Variants in TMEM272 observed in about 807,000 individuals in gnomAD.
TMEM272 encodes transmembrane protein 272, also known as long intergenic non-protein coding RNA 282.
In TMEM272, 8 loss-of-function variants were observed where a neutral mutation model predicts 3.7. That is an observed-to-expected ratio of 2.17 (90% CI 1.27 to 3.91). The LOEUF is 3.91. TMEM272 is among the 30% of genes most tolerant of loss of function. TMEM272 has a pLI of 0.00. For missense variants in TMEM272, 166 were observed against 91.5 expected, an observed-to-expected ratio of 1.81 and a Z score of -3.32; for synonymous variants, 63 against 39.8, an observed-to-expected ratio of 1.58 and a Z score of -2.20.
chr13:51,930,211 C>A, the TMEM272 span, among the ~76,000 whole-genome samples: 1 of 151,692 alleles, frequency 6.6e-6, no homozygotes, highest in Non-Finnish European at 1.5e-5. Context: ...CAGTTAATAG[C>A]CGTCTCCATT....
the TMEM272 span, among the ~76,000 whole-genome samples, chr13:51,914,190 T>C: frequency 3.5e-3 from 538 of 152,320 alleles, 5 homozygotes; most frequent in Non-Finnish European, 3.7e-3. Flanking sequence ...GGAACAACAA[T>C]CACCAGTTCC....
At chr13:51,886,114 C>T in the TMEM272 span, among the ~76,000 whole-genome samples, 8,369 of 152,178 alleles carry the variant, frequency 0.055, 282 homozygotes, top group Middle Eastern at 0.11. Context: ...TATTTGTGTA[C>T]GAATTTTACC....
At chr13:51,917,399 G>C in the TMEM272 span, among the ~76,000 whole-genome samples, 161 of 152,258 alleles carry the variant, frequency 1.1e-3, 1 homozygote, top group African/African-American at 3.6e-3. Flanking sequence ...GCAGAAGCAG[G>C]AATTCCAGAG....
chr13:51,930,148 T>A, the TMEM272 span, among the ~76,000 whole-genome samples: 1 of 151,538 alleles, frequency 6.6e-6, no homozygotes, highest in South Asian at 2.1e-4. Context: ...ACTTTCTATA[T>A]TTCTATATGC....
At chr13:51,843,647 G>A (rs968580311) in intron 1 of TMEM272, among the ~76,000 whole-genome samples, 1 of 152,152 alleles carries the variant, frequency 6.6e-6, no homozygotes, top group Non-Finnish European at 1.5e-5. Context: ...TCTGAAACAG[G>A]AAGAGATTGG....
chr13:51,819,435 C>G (rs1956060584), intron 4 of TMEM272, among the ~76,000 whole-genome samples: 1 of 152,144 alleles, frequency 6.6e-6, no homozygotes, highest in Non-Finnish European at 1.5e-5. Context: ...CCCCCACCCA[C>G]CACGTGTCCC....
the TMEM272 span, among the ~76,000 whole-genome samples, chr13:51,902,028 A>C: frequency 6.6e-6 from 1 of 152,182 alleles, no homozygotes; most frequent in Non-Finnish European, 1.5e-5. Flanking sequence ...GCTCCATGGA[A>C]AGGTCATGTA....
the TMEM272 span, chr13:51,908,598 G>C: frequency 6.6e-7 from 1 of 1,508,808 alleles, no homozygotes; most frequent in Non-Finnish European, 9.2e-7. Context: ...AGGGAGAGAT[G>C]AATCAGCCAC....
At chr13:51,834,867 A>G (rs971005448) in intron 2 of TMEM272, among the ~76,000 whole-genome samples, 4 of 152,234 alleles carry the variant, frequency 2.6e-5, no homozygotes, top group Non-Finnish European at 4.4e-5. Context: ...TGTATTCATC[A>G]AGATTTCACT....
chr13:51,925,687 ACT>A, the TMEM272 span, among the ~76,000 whole-genome samples: 1 of 152,006 alleles, frequency 6.6e-6, no homozygotes, highest in Non-Finnish European at 1.5e-5. Context: ...AAGGAGAGAC[ACT>A]CTGCCCATTC....
the TMEM272 span, among the ~76,000 whole-genome samples, chr13:51,902,254 C>T: frequency 6.6e-6 from 1 of 152,212 alleles, no homozygotes; most frequent in African/African-American, 2.4e-5. Context: ...TGCCTTGTTA[C>T]ATTTTCAGTG....
intron 3 of TMEM272, among the ~76,000 whole-genome samples, chr13:51,825,280 T>G (rs1442733432): frequency 6.6e-6 from 1 of 152,246 alleles, no homozygotes; most frequent in East Asian, 1.9e-4. Context: ...GTCAGGCTGT[T>G]AGCTTTCATG....
At chr13:51,849,499 A>G (rs1474537420), upstream of TMEM272, among the ~76,000 whole-genome samples, 2 of 152,240 alleles carry the variant, frequency 1.3e-5, no homozygotes, top group Non-Finnish European at 2.9e-5. Flanking sequence ...GTATTTTAGC[A>G]CAGTTTAATA....
chr13:51,875,176 G>A, the TMEM272 span, among the ~76,000 whole-genome samples: 147,614 of 152,324 alleles, frequency 0.97, 71,534 homozygotes, highest in East Asian at 1. Flanking sequence ...TTATATCTCA[G>A]TTAATCCTCA....
At chr13:51,836,807 G>A (rs1956220271) in intron 2 of TMEM272, among the ~76,000 whole-genome samples, 1 of 149,880 alleles carries the variant, frequency 6.7e-6, no homozygotes, top group South Asian at 2.1e-4. Flanking sequence ...GGAAGGCCCA[G>A]GGGGAAAACA....
At chr13:51,892,737 G>A in the TMEM272 span, among the ~76,000 whole-genome samples, 1 of 152,084 alleles carries the variant, frequency 6.6e-6, no homozygotes, top group African/African-American at 2.4e-5. Context: ...GTCCTCAGGT[G>A]GCATCTCATG....
Position 51,844,578 on chromosome 13 carries a change from A to C in TMEM272, c.-24+438T>G, listed in dbSNP as rs189016134. ...CTCAGAGTCATTCCACAACCTCCCT[A>C]GGATGCCTTCATTGTTTGGCTCCTA... On this transcript the variant is annotated intron_variant, in intron 1 of 4. Transcript: ENST00000629372. Among the ~76,000 whole-genome samples, 7 of 152,112 alleles carry C rather than the reference A, an allele frequency of 4.6e-5. No homozygotes were observed. The East Asian group carries it at 1.4e-3, about 29-fold the overall frequency.
intron 2 of TMEM272, among the ~76,000 whole-genome samples, chr13:51,834,732 G>A (rs1260482739): frequency 6.6e-6 from 1 of 152,156 alleles, no homozygotes; most frequent in Non-Finnish European, 1.5e-5. Flanking sequence ...CTCTGCTGCT[G>A]TCTCCAAGTG....
intron 2 of TMEM272, 149 bp from the exon 3 acceptor site, chr13:51,826,774 TG>T: frequency 1.6e-6 from 1 of 639,322 alleles, no homozygotes; most frequent in African/African-American, 1.8e-5. Flanking sequence ...GCAGCTCGCC[TG>T]GGGCTCCCAC....
Sources: gnomAD v4.1 joint callset for allele counts (sites outside exome capture counted in the v4.1 genomes callset) on GRCh38, gnomAD v4.1.1 for gene constraint, MANE v1.5 for transcripts, NCBI Gene and HGNC (gene_info 2026-07-23, HGNC 2026-07-21) for gene names.